Variants in HIVEP2 observed in about 807,000 individuals in gnomAD.
HIVEP2 encodes transcription factor HIVEP2.
In HIVEP2, 14 loss-of-function variants were observed where a neutral mutation model predicts 180.7. That is an observed-to-expected ratio of 0.08 (90% CI 0.05 to 0.12). The LOEUF is 0.12. Ranked by LOEUF, HIVEP2 falls within the 10% of genes least tolerant of loss-of-function variation. The pLI is 1.00. For missense variants in HIVEP2, 2,579 were observed against 3,008.5 expected (o/e 0.86, Z 3.34); for synonymous variants, 1,184 against 1,136.4 (o/e 1.04, Z -0.84).
chr6:142,879,104 G>A (rs1366197319), intron 1 of HIVEP2, among the ~76,000 whole-genome samples: 7 of 152,120 alleles, frequency 4.6e-5, no homozygotes, highest in Admixed American at 3.9e-4. Context: ...GGTAAATTAC[G>A]AAAGCCGGCA....
intron 1 of HIVEP2, among the ~76,000 whole-genome samples, chr6:142,906,134 A>C (rs1777259137): frequency 6.6e-6 from 1 of 151,636 alleles, no homozygotes; most frequent in South Asian, 2.1e-4. Context: ...ACTCTGTCTC[A>C]AAAAAAAATT....
chr6:142,815,064 G>T (rs1165678225), intron 2 of HIVEP2, among the ~76,000 whole-genome samples: 1 of 152,110 alleles, frequency 6.6e-6, no homozygotes, highest in Non-Finnish European at 1.5e-5. Flanking sequence ...AGGGACAAAG[G>T]GGGCTAACTA....
At chr6:142,835,088 G>A (rs766858292) in intron 2 of HIVEP2, among the ~76,000 whole-genome samples, 1 of 152,192 alleles carries the variant, frequency 6.6e-6, no homozygotes, top group African/African-American at 2.4e-5. Context: ...CATTTAACCA[G>A]TGACTGCAAT....
In HIVEP2 at chr6:142,760,252, GTCTGGT is replaced by G. The variant is rs755951268; in HGVS notation, c.6030_6035del (p.Glu2010_Pro2011del). On this transcript the variant is annotated inframe_deletion, in exon 9 of 10. Transcript: ENST00000367603. ...AACTAGGTATGTCCAATCTGTCTTT[GTCTGGT>G]TCTGAGTCCGTACTTTTGCTCTGGA... 6.2e-7 allele frequency: 1 copy of G among 1,614,142 alleles called. No homozygotes were observed. Among genetic ancestry groups the G allele is most frequent in the Non-Finnish European group, 8.5e-7 (1 of 1,180,018 alleles).
At position 142,760,531 on chromosome 6, in the gene HIVEP2, A is replaced by G. The variant is rs1775201604; in HGVS notation, c.5757T>C (p.Asp1919=). The change falls in exon 9 of 10, where the codon GAT becomes GAC. Residue 1919 remains aspartate (D), a synonymous_variant. Transcript: ENST00000367603. ...TTAAATCTCCCTGGTCGTCAAAGTC[A>G]TCTTCATCTTCATCATCATCATCAT... ...DDNDDDDEDE[D]DFDDQGDLTP... 1 of 1,614,070 alleles carries G rather than the reference A, an allele frequency of 6.2e-7. No homozygotes were observed. The highest frequency in any genetic ancestry group is 8.5e-7 in the Non-Finnish European group (1 of 1,179,962).
intron 1 of HIVEP2, among the ~76,000 whole-genome samples, chr6:142,891,517 T>C (rs1184919057): frequency 6.6e-6 from 1 of 152,168 alleles, no homozygotes; most frequent in Non-Finnish European, 1.5e-5. Flanking sequence ...ACAATCACCA[T>C]TTATAGATAA....
At chr6:142,768,566 C>G (rs1284763068) in intron 5 of HIVEP2, 30 bp from the exon 6 acceptor site, 34 of 1,608,260 alleles carry the variant, frequency 2.1e-5, no homozygotes, top group Non-Finnish European at 2.9e-5. Flanking sequence ...AATCATTTCA[C>G]ATGCTTTCTC....
At chr6:142,890,763 C>T (rs894064149) in intron 1 of HIVEP2, among the ~76,000 whole-genome samples, 3 of 151,984 alleles carry the variant, frequency 2.0e-5, no homozygotes, top group Non-Finnish European at 4.4e-5. Flanking sequence ...GAAAGTAATA[C>T]AAAAAACACT....
chr6:142,833,033 G>A (rs1412228059), intron 2 of HIVEP2, among the ~76,000 whole-genome samples: 1 of 152,102 alleles, frequency 6.6e-6, no homozygotes, highest in Admixed American at 6.5e-5. Flanking sequence ...CATCCACAAC[G>A]CTCCAACATT....
chr6:142,881,213 A>G (rs1776567774), intron 1 of HIVEP2, among the ~76,000 whole-genome samples: 1 of 152,192 alleles, frequency 6.6e-6, no homozygotes. Flanking sequence ...ACAGAAGGAA[A>G]CAATTTTGGA....
chr6:142,863,044 ATATAT>A (rs1250323939), intron 1 of HIVEP2, among the ~76,000 whole-genome samples: 4 of 142,152 alleles, frequency 2.8e-5, no homozygotes, highest in South Asian at 2.1e-4. Context: ...ATATTACATA[ATATAT>A]TATATATTAT....
At chr6:142,908,966 C>G (rs529533406) in intron 1 of HIVEP2, among the ~76,000 whole-genome samples, 57 of 150,706 alleles carry the variant, frequency 3.8e-4, no homozygotes, top group African/African-American at 1.4e-3. Flanking sequence ...TGTAGAATAT[C>G]AAAAATAACT....
intron 1 of HIVEP2, among the ~76,000 whole-genome samples, chr6:142,899,273 C>T (rs1202329929): frequency 6.6e-6 from 1 of 152,186 alleles, no homozygotes; most frequent in African/African-American, 2.4e-5. Context: ...ATGCTGTCAA[C>T]CAGGCAAATT....
At chr6:142,837,434 T>C (rs1399890088) in intron 1 of HIVEP2, among the ~76,000 whole-genome samples, 1 of 152,090 alleles carries the variant, frequency 6.6e-6, no homozygotes, top group African/African-American at 2.4e-5. Context: ...CAATGAAAAT[T>C]TGTAGGTGAC....
intron 1 of HIVEP2, among the ~76,000 whole-genome samples, chr6:142,939,519 C>T (rs1191613731): frequency 1.3e-5 from 2 of 152,192 alleles, no homozygotes; most frequent in East Asian, 1.9e-4. Flanking sequence ...TGTCCCCTCC[C>T]ATCCCAGGTC....
chr6:142,776,604 C>T (rs1775706714), intron 3 of HIVEP2, among the ~76,000 whole-genome samples: 1 of 151,316 alleles, frequency 6.6e-6, no homozygotes. Context: ...AATCACTGCT[C>T]ACTGCAGCCT....
At chr6:142,782,062 G>A (rs1775873998) in intron 3 of HIVEP2, among the ~76,000 whole-genome samples, 1 of 152,190 alleles carries the variant, frequency 6.6e-6, no homozygotes, top group African/African-American at 2.4e-5. Flanking sequence ...ATGACTGGCA[G>A]CAAACACGGC....
chr6:142,827,553 T>C (rs1384248079), intron 2 of HIVEP2, among the ~76,000 whole-genome samples: 3 of 152,190 alleles, frequency 2.0e-5, no homozygotes, highest in Non-Finnish European at 4.4e-5. Flanking sequence ...CTTCCCTGGA[T>C]TGTTCTCCAT....
intron 1 of HIVEP2, among the ~76,000 whole-genome samples, chr6:142,897,306 C>A (rs1446167287): frequency 6.6e-6 from 1 of 152,168 alleles, no homozygotes; most frequent in Non-Finnish European, 1.5e-5. Flanking sequence ...ATTGGCATAC[C>A]TGCTTTAAAA....
Sources: gnomAD v4.1 joint callset for allele counts (sites outside exome capture counted in the v4.1 genomes callset) on GRCh38, gnomAD v4.1.1 for gene constraint, MANE v1.5 for transcripts, NCBI Gene and HGNC (gene_info 2026-07-23, HGNC 2026-07-21) for gene names.